Variants in RNF214 observed in about 807,000 individuals in gnomAD.
The protein encoded by RNF214 is ring finger protein 214.
A neutral mutation model predicts 75.9 loss-of-function variants in RNF214; 25 were observed. That is an observed-to-expected ratio of 0.33 (90% confidence interval 0.24 to 0.46). RNF214 has a LOEUF of 0.46. RNF214 is among the 20% of genes least tolerant of loss of function. The probability of loss-of-function intolerance (pLI) is 1.00; values close to 1 mark genes in which losing one functional copy is unlikely to be tolerated. For synonymous variants in RNF214, 314 were observed against 308.8 expected (o/e 1.02, Z -0.18); for missense variants, 725 against 857.5 (o/e 0.85, Z 1.93).
chr11:117,252,630 C>T (rs891364016), intron 6 of RNF214, among the ~76,000 whole-genome samples: 4 of 152,066 alleles, frequency 2.6e-5, no homozygotes, highest in Non-Finnish European at 4.4e-5. Context: ...AAGCGATTCT[C>T]CTGCCTCAGC....
chr11:117,243,765 C>T (rs1290179759), intron 4 of RNF214, among the ~76,000 whole-genome samples: 1 of 152,070 alleles, frequency 6.6e-6, no homozygotes, highest in Non-Finnish European at 1.5e-5. Flanking sequence ...CTATGTTGCC[C>T]AGGCTGGTCT....
intron 4 of RNF214, among the ~76,000 whole-genome samples, chr11:117,243,143 A>T (rs4995517): frequency 4.7e-3 from 326 of 68,900 alleles, no homozygotes; most frequent in African/African-American, 0.019. Context: ...TTAATTAATT[A>T]ATTAATTTAT....
At chr11:117,234,184 G>A (rs117547981) in intron 1 of RNF214, 83 bp from the exon 2 acceptor site, 14,623 of 984,678 alleles carry the variant, frequency 0.015, 124 homozygotes, top group Non-Finnish European at 0.019. Flanking sequence ...CAGCTCTGTT[G>A]TGTGGACATT....
At chr11:117,234,741 C>T (rs979043544) in intron 2 of RNF214, among the ~76,000 whole-genome samples, 1 of 152,112 alleles carries the variant, frequency 6.6e-6, no homozygotes, top group Non-Finnish European at 1.5e-5. Flanking sequence ...TGTATACATA[C>T]AGATACACAA....
Position 117,280,273 on chromosome 11 carries a change from C to A in RNF214, c.1145+14C>A. 1 of 1,523,684 alleles carries A rather than the reference C, an allele frequency of 6.6e-7. No homozygotes were observed. Among genetic ancestry groups the A allele is most frequent in the Non-Finnish European group, 9.1e-7 (1 of 1,100,958 alleles). 94.4% of individuals were successfully genotyped at this position (1,523,684 alleles called of 1,614,324 possible). A position where few individuals can be genotyped will look rare whatever the true frequency, so the allele number is the denominator to read the frequency against. On this transcript the variant is annotated intron_variant, in intron 8 of 14. Transcript: ENST00000300650. ...TACTTACCTCAAGTAAGTACCTTTC[C>A]GTTCTAGAGCTTTAATTGTTTTGCA...
At chr11:117,267,155 A>T (rs1015579234) in intron 6 of RNF214, among the ~76,000 whole-genome samples, 1 of 152,078 alleles carries the variant, frequency 6.6e-6, no homozygotes, top group African/African-American at 2.4e-5. Context: ...ATTTTATCAG[A>T]TATGTATTTC....
intron 2 of RNF214, among the ~76,000 whole-genome samples, chr11:117,235,103 G>A (rs553270508): frequency 7.7e-4 from 117 of 152,306 alleles, no homozygotes; most frequent in Non-Finnish European, 7.1e-4. Flanking sequence ...TGTTGTTTAA[G>A]GAATAATGAC....
intron 6 of RNF214, among the ~76,000 whole-genome samples, chr11:117,258,744 A>G (rs1591828897): frequency 6.6e-6 from 1 of 152,198 alleles, no homozygotes; most frequent in East Asian, 1.9e-4. Context: ...CTGAAAGTTC[A>G]CTCTTGTGCC....
At chr11:117,247,041 T>A in intron 6 of RNF214, 93 bp downstream of exon 6, 3 of 1,080,454 alleles carry the variant, frequency 2.8e-6, no homozygotes, top group African/African-American at 1.6e-5. Context: ...CCCTTCGGTT[T>A]AATTTTTATT....
intron 6 of RNF214, among the ~76,000 whole-genome samples, chr11:117,261,082 T>C (rs145491954): frequency 1.1e-3 from 169 of 152,266 alleles, no homozygotes; most frequent in African/African-American, 3.9e-3. Context: ...CAATATTGAA[T>C]AGAAGTGGTA....
chr11:117,252,742 G>A lies in RNF214; in HGVS notation c.959+5794G>A, dbSNP rs192020849. Among the ~76,000 whole-genome samples the A allele has an allele frequency of 5.7e-3, 847 of 147,888 alleles. 25 individuals carry two copies. The highest frequency in any genetic ancestry group is 0.051 in the Admixed American group (773 of 15,018). The stretch of plus-strand genomic sequence containing the variant: ...TCACTGTGTTAGCCAGGATGGTCTC[G>A]CTCTCCTGACCTCCTGTTCCGCCCG... On this transcript the variant is annotated intron_variant, in intron 6 of 14. Transcript: ENST00000300650.
At chr11:117,275,259 A>G (rs1227970947) in intron 6 of RNF214, among the ~76,000 whole-genome samples, 1 of 152,338 alleles carries the variant, frequency 6.6e-6, no homozygotes, top group African/African-American at 2.4e-5. Context: ...AGCAAAAGCA[A>G]TACTAAGAGG....
At chr11:117,240,879 TA>T (rs1376373769) in intron 4 of RNF214, among the ~76,000 whole-genome samples, 1 of 151,830 alleles carries the variant, frequency 6.6e-6, no homozygotes, top group Non-Finnish European at 1.5e-5. Context: ...TCGTCCCTAC[TA>T]AAAATACAAA....
intron 3 of RNF214, chr11:117,239,514 A>G (rs1166008928): frequency 5.3e-5 from 25 of 472,044 alleles, no homozygotes; most frequent in Non-Finnish European, 9.5e-5. Context: ...GTTGTAGGAG[A>G]AAGTATGGGC....
At chr11:117,238,144 C>T (rs764748650) in intron 2 of RNF214, among the ~76,000 whole-genome samples, 7 of 152,160 alleles carry the variant, frequency 4.6e-5, no homozygotes, top group Non-Finnish European at 8.8e-5. Flanking sequence ...GGCCAGCTCA[C>T]GCCTATAATT....
chr11:117,282,710 T>C (rs368062126), intron 12 of RNF214, 36 bp from the exon 13 acceptor site: 2 of 1,587,900 alleles, frequency 1.3e-6, no homozygotes, highest in Non-Finnish European at 1.7e-6. Context: ...TTACTCAGAC[T>C]CTCTTCCCTT....
At chr11:117,277,387 T>C (rs2034034435) in intron 6 of RNF214, among the ~76,000 whole-genome samples, 1 of 152,102 alleles carries the variant, frequency 6.6e-6, no homozygotes, top group Admixed American at 6.6e-5. Flanking sequence ...GGGGAAGCAA[T>C]ACCTGGAGAT....
Position 117,238,734 on chromosome 11 carries a change from A to G in RNF214, c.241A>G (p.Thr81Ala). The G allele has an allele frequency of 6.2e-7, 1 of 1,614,174 alleles. No individual in the cohort carries two copies. The highest frequency in any genetic ancestry group is 8.5e-7 in the Non-Finnish European group (1 of 1,180,030). ...EQNPGSSAGD[T>A]SAAHQVVLGE... ...GAATCCTGGTTCATCAGCAGGTGAC[A>G]CCTCAGCAGCGCACCAGGTGGTTTT... Residue 81 changes from threonine to alanine, a missense_variant, in exon 3 of 15, where the codon ACC becomes GCC. Around this residue, in one of 2 missense-constraint regions of RNF214, gnomAD observed 362 missense variants for 344.5 expected, o/e 1.05. Coordinates refer to ENST00000300650, the MANE Select transcript of RNF214 (RefSeq NM_207343.4).
intron 6 of RNF214, among the ~76,000 whole-genome samples, chr11:117,268,093 CAAGT>C (rs2033835124): frequency 6.6e-6 from 1 of 152,334 alleles, no homozygotes; most frequent in East Asian, 1.9e-4. Flanking sequence ...TGTTAGTCCT[CAAGT>C]AAGAGGACTT....
Sources: gnomAD v4.1 joint callset for allele counts (sites outside exome capture counted in the v4.1 genomes callset) on GRCh38, gnomAD v4.1.1 for gene constraint, gnomAD v4.1.1 regional missense constraint, MANE v1.5 for transcripts, NCBI Gene and HGNC (gene_info 2026-07-23, HGNC 2026-07-21) for gene names.